Variants in ZNF341 observed in about 807,000 individuals in gnomAD.
The protein encoded by ZNF341 is zinc finger protein 341.
ZNF341 carries 52 observed loss-of-function variants against 87.7 expected under a neutral mutation model. The observed-to-expected ratio is 0.59, with a 90% CI of 0.47 to 0.75. The LOEUF is 0.75. Ranked by LOEUF, ZNF341 falls within the 30% of genes least tolerant of loss-of-function variation. ZNF341 has a pLI of 0.00. For missense variants in ZNF341, 977 were observed against 1,145.9 expected (o/e 0.85, Z 2.13); for synonymous variants, 459 against 472.7 (o/e 0.97, Z 0.38).
At position 33,745,274 on chromosome 20, in the gene ZNF341, A is replaced by G. The variant is rs2018894006; in HGVS notation, c.314A>G (p.Gln105Arg). 6.2e-7 allele frequency: 1 copy of G among 1,613,576 alleles called. No individual in the cohort carries two copies. The highest frequency in any genetic ancestry group is 1.3e-5 in the African/African-American group (1 of 75,056). Residue 105 changes from glutamine (Q) to arginine (R), a missense_variant, in exon 3 of 15, where the codon CAG (glutamine) becomes CGG (arginine). Transcript: ENST00000375200. ...PPSAAPTAVQ[Q>R]APTPANRQIS... ...TCGGCAGCACCCACAGCGGTCCAGC[A>G]GGCCCCAACTCCTGCCAATCGCCAG...
In ZNF341 at chr20:33,732,889, C is replaced by A. The variant is rs1043621807; in HGVS notation, c.31+837C>A. 1.3e-5 allele frequency among the ~76,000 whole-genome samples: 2 copies of A among 152,108 alleles called. No individual in the cohort carries two copies. Among genetic ancestry groups the A allele is most frequent in the Admixed American group, 1.3e-4 (2 of 15,270 alleles). On this transcript the variant is annotated intron_variant, in intron 1 of 14. Coordinates refer to ENST00000375200, the MANE Select transcript of ZNF341 (RefSeq NM_001282933.2). The surrounding 1 kb of genome is among the most constrained non-coding windows in gnomAD (Gnocchi z 4.5). ...CAGCCTTAGCGACTCGGGGCCATGGCGCAGAATAGATATTGTGGGAAATAC... is the reference window on the plus strand; with the variant it reads ...CAGCCTTAGCGACTCGGGGCCATGGAGCAGAATAGATATTGTGGGAAATAC...
intron 3 of ZNF341, among the ~76,000 whole-genome samples, chr20:33,747,115 A>G (rs1040315902): frequency 2.0e-5 from 3 of 152,118 alleles, no homozygotes; most frequent in Non-Finnish European, 4.4e-5. Context: ...TCATAGAAAG[A>G]CTAAAGGATC....
intron 9 of ZNF341, among the ~76,000 whole-genome samples, chr20:33,769,793 C>G (rs1398228186): frequency 2.6e-5 from 4 of 152,202 alleles, no homozygotes; most frequent in Admixed American, 2.6e-4. Context: ...CACCTGTAAT[C>G]CCAGCTACTG....
At chr20:33,780,162 C>T (rs969131007) in intron 10 of ZNF341, among the ~76,000 whole-genome samples, 1 of 151,958 alleles carries the variant, frequency 6.6e-6, no homozygotes, top group Non-Finnish European at 1.5e-5. Flanking sequence ...AAGGCACTGC[C>T]TGGGGAAGAC....
Position 33,770,198 on chromosome 20 carries a change from A to G in ZNF341, c.1528A>G (p.Lys510Glu), listed in dbSNP as rs181280170. ...GAGCTACCGCTGCCACCTCTGCGGCAAGGACTTCCCCTCGCTGTACGACCT... is the reference window on the plus strand; with the variant it reads ...GAGCTACCGCTGCCACCTCTGCGGCGAGGACTTCCCCTCGCTGTACGACCT... Reference protein sequence around the residue: ...ELSYRCHLCGKDFPSLYDLGV... With the variant: ...ELSYRCHLCGEDFPSLYDLGV... The change falls in exon 10 of 15, where the codon AAG becomes GAG. Residue 510 changes from lysine (K) to glutamate (E), a missense_variant. Physicochemically the swap from Lys to Glu is moderately conservative, Grantham distance 56. Coordinates refer to ENST00000375200, the MANE Select transcript of ZNF341 (RefSeq NM_001282933.2). 6.2e-7 allele frequency: 1 copy of G among 1,614,186 alleles called. No homozygotes were observed. Among genetic ancestry groups the G allele is most frequent in the African/African-American group, 1.3e-5 (1 of 75,050 alleles).
intron 14 of ZNF341, 93 bp downstream of exon 14, chr20:33,789,681 T>A: frequency 7.2e-7 from 1 of 1,393,038 alleles, no homozygotes; most frequent in South Asian, 1.2e-5. Context: ...ACATATCCTG[T>A]GAGGCTTGTT....
chr20:33,776,761 G>A (rs886496710), intron 10 of ZNF341, among the ~76,000 whole-genome samples: 1 of 151,884 alleles, frequency 6.6e-6, no homozygotes, highest in Non-Finnish European at 1.5e-5. Context: ...AGGTGTGGTC[G>A]CCTTGCCTCA....
At chr20:33,740,129 G>A (rs1377889777) in intron 1 of ZNF341, among the ~76,000 whole-genome samples, 1 of 152,202 alleles carries the variant, frequency 6.6e-6, no homozygotes, top group Non-Finnish European at 1.5e-5. Context: ...CACCCAGAGT[G>A]TTGGGATTAC....
At chr20:33,759,338 G>A (rs2019246534) in intron 7 of ZNF341, among the ~76,000 whole-genome samples, 1 of 152,184 alleles carries the variant, frequency 6.6e-6, no homozygotes, top group Non-Finnish European at 1.5e-5. Context: ...AGGCTGGAGT[G>A]CAATGGTGCA....
intron 6 of ZNF341, 120 bp from the exon 7 acceptor site, chr20:33,758,596 T>C (rs921860845): frequency 5.5e-6 from 4 of 726,008 alleles, no homozygotes; most frequent in Non-Finnish European, 9.4e-6. Context: ...GGCCTGTGTA[T>C]GGGCATAGAC....
intron 12 of ZNF341, chr20:33,786,971 A>C (rs1375306562): frequency 3.3e-5 from 5 of 150,446 alleles, no homozygotes; most frequent in African/African-American, 1.2e-4. Context: ...CTGTTTCAAA[A>C]AAAAAAAAAA....
chr20:33,772,377 C>T (rs2019550979), intron 10 of ZNF341, among the ~76,000 whole-genome samples: 1 of 152,098 alleles, frequency 6.6e-6, no homozygotes, highest in Admixed American at 6.6e-5. Flanking sequence ...CTTGTACCTG[C>T]AGAGATTTGG....
chr20:33,754,314 A>G (rs536168098), intron 5 of ZNF341, among the ~76,000 whole-genome samples: 139 of 152,276 alleles, frequency 9.1e-4, no homozygotes, highest in African/African-American at 3.3e-3. Flanking sequence ...CATCTACTTG[A>G]AATGCACTGA....
At position 33,792,194 on chromosome 20, in the gene ZNF341, T is replaced by C. The variant is rs1287177130; in HGVS notation, c.*677T>C. 5.3e-5 allele frequency: 8 copies of C among 152,318 alleles called. No homozygotes were observed. Among genetic ancestry groups the C allele is most frequent in the African/African-American group, 1.9e-4 (8 of 41,464 alleles). 9.4% of individuals were successfully genotyped at this position (152,318 alleles called of 1,614,324 possible). Reference sequence around the variant, plus strand: ...ATAGGGTTGTCCTGGGGATCCAGTATGATGAAGTGCGCCAGGGGCTTGGCA... The same window carrying C: ...ATAGGGTTGTCCTGGGGATCCAGTACGATGAAGTGCGCCAGGGGCTTGGCA... On this transcript the variant is annotated 3_prime_UTR_variant, in exon 15 of 15. Coordinates refer to ENST00000375200, the MANE Select transcript of ZNF341 (RefSeq NM_001282933.2).
At chr20:33,763,994 G>A (rs527752903) in intron 8 of ZNF341, among the ~76,000 whole-genome samples, 5 of 151,484 alleles carry the variant, frequency 3.3e-5, no homozygotes, top group African/African-American at 1.2e-4. Flanking sequence ...GATCAGCCTG[G>A]GCAATATGGT....
intron 10 of ZNF341, among the ~76,000 whole-genome samples, chr20:33,772,010 T>TAAAAAAAAAAAAAAAAAAAAA (rs57345366): frequency 1.8e-4 from 10 of 56,166 alleles, no homozygotes; most frequent in Non-Finnish European, 1.6e-4. Flanking sequence ...ACGCTTGTCT[T>TAAAAAAAAAAAAAAAAAAAAA]AAAAAAAAAA....
At chr20:33,762,169 C>G (rs1568945570) in intron 8 of ZNF341, 114 bp downstream of exon 8, 2 of 849,464 alleles carry the variant, frequency 2.4e-6, no homozygotes, top group East Asian at 5.6e-5. Flanking sequence ...GGGCTTCAAT[C>G]TACCTTTATC....
intron 5 of ZNF341, among the ~76,000 whole-genome samples, chr20:33,753,859 T>G (rs2019113979): frequency 6.6e-6 from 1 of 152,144 alleles, no homozygotes; most frequent in Non-Finnish European, 1.5e-5. Flanking sequence ...ACCAAAAGTG[T>G]TTATTATTCA....
intron 4 of ZNF341, chr20:33,752,117 C>CT: frequency 5.2e-6 from 2 of 386,650 alleles, no homozygotes; most frequent in South Asian, 2.0e-5. Flanking sequence ...AGCCCCCCCC[C>CT]CTTTTTTTTT....
Sources: gnomAD v4.1 joint callset for allele counts (sites outside exome capture counted in the v4.1 genomes callset) on GRCh38, gnomAD v4.1.1 for gene constraint, Gnocchi (gnomAD v3.1) non-coding constraint, MANE v1.5 for transcripts, NCBI Gene and HGNC (gene_info 2026-07-23, HGNC 2026-07-21) for gene names.